The following NKAIN2 variants were observed in gnomAD, a reference collection of about 807,000 sequenced individuals.
NKAIN2 encodes the protein sodium/potassium transporting ATPase interacting 2, also known as sodium/potassium-transporting ATPase subunit beta-1-interacting protein 2.
NKAIN2 carries 14 observed loss-of-function variants against 32.6 expected under a neutral mutation model. The ratio of observed to expected loss-of-function variants is 0.43; its 90% CI spans 0.28 to 0.67. The LOEUF is 0.67. Among genes scored for constraint, NKAIN2 ranks in the 30% least tolerant of loss-of-function variants. The pLI is 0.17. For missense variants in NKAIN2, 198 were observed against 258.3 expected (o/e 0.77, Z 1.60); for synonymous variants, 80 against 87.2 (o/e 0.92, Z 0.46).
At chr6:124,812,051 A>G (rs1780924905) in intron 5 of NKAIN2, among the ~76,000 whole-genome samples, 1 of 152,172 alleles carries the variant, frequency 6.6e-6, no homozygotes, top group Non-Finnish European at 1.5e-5. Flanking sequence ...CAAGATTGGT[A>G]ACACTCGATA....
chr6:124,714,070 T>C (rs1002782928), intron 4 of NKAIN2, among the ~76,000 whole-genome samples: 5 of 152,238 alleles, frequency 3.3e-5, no homozygotes, highest in African/African-American at 1.2e-4. Flanking sequence ...TCTACCCCTA[T>C]GGGATGTATA....
intron 1 of NKAIN2, among the ~76,000 whole-genome samples, chr6:124,227,495 A>T (rs893426614): frequency 5.9e-5 from 9 of 152,344 alleles, no homozygotes; most frequent in Admixed American, 1.3e-4. Context: ...ATTGTAGAAC[A>T]TGCAGAATAT....
At chr6:124,188,963 T>A (rs1789882276) in intron 1 of NKAIN2, among the ~76,000 whole-genome samples, 1 of 152,146 alleles carries the variant, frequency 6.6e-6, no homozygotes, top group African/African-American at 2.4e-5. Context: ...TGAGCAAATT[T>A]GAAAAATAAT....
chr6:124,159,072 G>T (rs1317925107), intron 1 of NKAIN2, among the ~76,000 whole-genome samples: 1 of 152,078 alleles, frequency 6.6e-6, no homozygotes, highest in Non-Finnish European at 1.5e-5. Context: ...GCAAGGATAT[G>T]GTAGACTGTC....
chr6:124,676,637 T>C (rs1208458961), intron 4 of NKAIN2, among the ~76,000 whole-genome samples: 1 of 152,142 alleles, frequency 6.6e-6, no homozygotes, highest in Non-Finnish European at 1.5e-5. Flanking sequence ...TCTCACTCTG[T>C]TGCCCAGCCT....
At chr6:124,581,647 A>G (rs1035024910) in intron 3 of NKAIN2, among the ~76,000 whole-genome samples, 27 of 152,264 alleles carry the variant, frequency 1.8e-4, no homozygotes, top group Non-Finnish European at 3.4e-4. Context: ...ATATCAAATT[A>G]TATCAGCTAA....
At chr6:123,991,287 G>T (rs1169077008) in intron 1 of NKAIN2, among the ~76,000 whole-genome samples, 1 of 152,078 alleles carries the variant, frequency 6.6e-6, no homozygotes, top group Non-Finnish European at 1.5e-5. Flanking sequence ...TTCCTGAAAT[G>T]TTCCACACTT....
chr6:124,297,657 T>A (rs543533295), intron 2 of NKAIN2, among the ~76,000 whole-genome samples: 2 of 150,434 alleles, frequency 1.3e-5, no homozygotes, highest in Admixed American at 6.6e-5. Context: ...ACATGCTTAT[T>A]ATTGTTCTTT....
At chr6:124,364,685 C>G (rs956124958) in intron 3 of NKAIN2, among the ~76,000 whole-genome samples, 1 of 151,282 alleles carries the variant, frequency 6.6e-6, no homozygotes, top group East Asian at 1.9e-4. Flanking sequence ...TTCAACAACA[C>G]GTAAGATAAA....
intron 1 of NKAIN2, among the ~76,000 whole-genome samples, chr6:124,247,140 A>G (rs1793450965): frequency 6.6e-6 from 1 of 152,122 alleles, no homozygotes; most frequent in Middle Eastern, 3.4e-3. Flanking sequence ...ATGTGATTAG[A>G]TTGTGCCCAC....
At chr6:124,492,513 A>G (rs1777903770) in intron 3 of NKAIN2, among the ~76,000 whole-genome samples, 1 of 151,918 alleles carries the variant, frequency 6.6e-6, no homozygotes, top group African/African-American at 2.4e-5. Context: ...TGATTAAAAT[A>G]GTGTCTCTTA....
At chr6:124,622,343 G>A (rs1196001290) in intron 3 of NKAIN2, among the ~76,000 whole-genome samples, 1 of 152,176 alleles carries the variant, frequency 6.6e-6, no homozygotes, top group Non-Finnish European at 1.5e-5. Flanking sequence ...ACAGGGGTGT[G>A]ACTCACCTAT....
At chr6:124,703,720 G>C (rs1283323123) in intron 4 of NKAIN2, among the ~76,000 whole-genome samples, 1 of 151,966 alleles carries the variant, frequency 6.6e-6, no homozygotes, top group Non-Finnish European at 1.5e-5. Flanking sequence ...TGCTGGCTCT[G>C]ACATATCTGT....
At chr6:124,407,915 G>A (rs1003368980) in intron 3 of NKAIN2, among the ~76,000 whole-genome samples, 5 of 149,604 alleles carry the variant, frequency 3.3e-5, no homozygotes, top group African/African-American at 1.2e-4. Context: ...GTATCTCATT[G>A]TGGTTTTGAT....
intron 2 of NKAIN2, among the ~76,000 whole-genome samples, chr6:124,288,826 T>A (rs1187141530): frequency 6.6e-6 from 1 of 152,152 alleles, no homozygotes. Context: ...ATATTGGAAA[T>A]ACAAAAGACC....
intron 3 of NKAIN2, among the ~76,000 whole-genome samples, chr6:124,493,179 TATG>T (rs768159481): frequency 1.3e-5 from 2 of 152,020 alleles, no homozygotes; most frequent in African/African-American, 4.8e-5. Context: ...ATCTACACAT[TATG>T]ATATTACATT....
intron 4 of NKAIN2, among the ~76,000 whole-genome samples, chr6:124,771,336 A>C (rs1247004188): frequency 6.6e-6 from 1 of 152,178 alleles, no homozygotes; most frequent in East Asian, 1.9e-4. Context: ...ATGACCCAGC[A>C]ATCTCATTTG....
chr6:123,877,772 A>G lies in NKAIN2; in HGVS notation c.54+73518A>G, dbSNP rs9375289. Among the ~76,000 whole-genome samples, 1,486 of 152,338 alleles carry G rather than the reference A, an allele frequency of 9.8e-3. 39 individuals carry two copies. The East Asian group carries it at 0.11, about 11-fold the overall frequency. On this transcript the variant is annotated intron_variant, in intron 1 of 6. Coordinates refer to ENST00000368417, the MANE Select transcript of NKAIN2 (RefSeq NM_001040214.3). ...TAGCTAAGTTTTTGAACACATAATC[A>G]AATTATGTAGTATGGCCTTTAAAAC...
intron 1 of NKAIN2, among the ~76,000 whole-genome samples, chr6:123,909,099 A>G (rs1445317443): frequency 6.6e-6 from 1 of 151,946 alleles, no homozygotes; most frequent in East Asian, 1.9e-4. Context: ...TTCTTTTTTA[A>G]TTAAGTAAAA....
Sources: gnomAD v4.1 joint callset for allele counts (sites outside exome capture counted in the v4.1 genomes callset) on GRCh38, gnomAD v4.1.1 for gene constraint, MANE v1.5 for transcripts, NCBI Gene and HGNC (gene_info 2026-07-23, HGNC 2026-07-21) for gene names.